SERPINI1: variants seen among roughly 807,000 people sequenced by gnomAD.
The protein encoded by SERPINI1 is serpin family I member 1, also known as neuroserpin.
Under a neutral mutation model 41.1 loss-of-function variants are expected in SERPINI1, and 19 were observed. The ratio of observed to expected loss-of-function variants is 0.46; its 90% CI spans 0.32 to 0.68. The LOEUF is 0.68. SERPINI1 is among the 30% of genes least tolerant of loss of function. SERPINI1 has a pLI of 0.03. For synonymous variants in SERPINI1, 138 were observed against 156.6 expected (o/e 0.88, Z 0.89); for missense variants, 460 against 479.2 (o/e 0.96, Z 0.37).
intron 1 of SERPINI1, among the ~76,000 whole-genome samples, chr3:167,766,589 C>G (rs1726576704): frequency 6.6e-6 from 1 of 152,198 alleles, no homozygotes. Flanking sequence ...AAAGCTCGGC[C>G]TCCTGTGCCA....
intron 1 of SERPINI1, among the ~76,000 whole-genome samples, chr3:167,786,444 G>C (rs896244323): frequency 1.4e-5 from 2 of 145,758 alleles, no homozygotes; most frequent in Admixed American, 1.4e-4. Flanking sequence ...GGAGGCGGAG[G>C]TTGCAGTGAG....
chr3:167,757,382 T>G (rs958341581), intron 1 of SERPINI1, among the ~76,000 whole-genome samples: 3 of 152,198 alleles, frequency 2.0e-5, no homozygotes, highest in African/African-American at 7.2e-5. Context: ...GTAAAGGAAT[T>G]AATATGATCT....
rs142159214 is a variant in SERPINI1, at chr3:167,783,148, G to A, written c.-18-5963G>A. Among the ~76,000 whole-genome samples, 4 of 152,266 alleles carry A rather than the reference G, an allele frequency of 2.6e-5. No individual in the cohort carries two copies. The East Asian group carries it at 5.8e-4, about 22-fold the overall frequency. On this transcript the variant is annotated intron_variant, in intron 1 of 8. Transcript: ENST00000446050. ...GCCAATAACCAGCAGTTCAGAGAGT[G>A]GCTGGAAACCAGAACCATTGGTATA...
At chr3:167,743,189 A>G (rs919889259) in intron 1 of SERPINI1, among the ~76,000 whole-genome samples, 1 of 152,130 alleles carries the variant, frequency 6.6e-6, no homozygotes, top group Non-Finnish European at 1.5e-5. Flanking sequence ...AGCTGCCTGA[A>G]AAAGCAAAAT....
intron 1 of SERPINI1, among the ~76,000 whole-genome samples, chr3:167,737,389 C>G (rs1725501282): frequency 6.6e-6 from 1 of 152,030 alleles, no homozygotes. Flanking sequence ...TAAACTTAAC[C>G]ACTATAAGGA....
intron 1 of SERPINI1, among the ~76,000 whole-genome samples, chr3:167,762,112 G>A (rs577694689): frequency 6.6e-6 from 1 of 152,100 alleles, no homozygotes; most frequent in Non-Finnish European, 1.5e-5. Context: ...GAAACCTTCA[G>A]AAAACTTCCA....
intron 1 of SERPINI1, among the ~76,000 whole-genome samples, chr3:167,741,012 A>G (rs1395407624): frequency 6.6e-6 from 1 of 152,132 alleles, no homozygotes; most frequent in African/African-American, 2.4e-5. Flanking sequence ...AGTAAAGCTT[A>G]CATTGTACCT....
intron 5 of SERPINI1, chr3:167,799,923 T>C (rs547782736): frequency 6.6e-6 from 1 of 152,206 alleles, no homozygotes; most frequent in Non-Finnish European, 1.5e-5. Context: ...TTCTTGTAGA[T>C]TATTATCAAA....
intron 1 of SERPINI1, among the ~76,000 whole-genome samples, chr3:167,761,444 G>A (rs577782506): frequency 2.6e-5 from 4 of 152,290 alleles, no homozygotes; most frequent in South Asian, 2.1e-4. Flanking sequence ...AGATTTGATT[G>A]ATGTGGTGGG....
At chr3:167,788,808 G>GTAAGTAAGTTT (rs1395846451) in intron 1 of SERPINI1, among the ~76,000 whole-genome samples, 1 of 152,206 alleles carries the variant, frequency 6.6e-6, no homozygotes, top group Non-Finnish European at 1.5e-5. Context: ...GTGAAAGCTA[G>GTAAGTAAGTTT]AGTAAGTCCA....
In SERPINI1 at chr3:167,808,438, G is replaced by A. The variant is rs572109767; in HGVS notation, c.979+1097G>A. 1.3e-4 allele frequency among the ~76,000 whole-genome samples: 20 copies of A among 151,834 alleles called. No homozygotes were observed. In the South Asian group the frequency reaches 3.9e-3, roughly 30 times the overall value. ...AGACTGAGTAAATAAGTTATATAAG[G>A]ATTATTTTTATCATTTCCTTAGAAG... On this transcript the variant is annotated intron_variant, in intron 6 of 8. Coordinates refer to ENST00000446050, the MANE Select transcript of SERPINI1 (RefSeq NM_001122752.2).
In SERPINI1 at chr3:167,735,757, C is replaced by G. The variant is rs1725374998; in HGVS notation, c.-85C>G. 1 of 152,320 alleles carries G rather than the reference C, an allele frequency of 6.6e-6. No individual in the cohort carries two copies. The highest frequency in any genetic ancestry group is 2.4e-5 in the African/African-American group (1 of 41,442). 9.4% of individuals were successfully genotyped at this position (152,320 alleles called of 1,614,324 possible). ...GGAGAGACGAAAGCAGGAACGAGAGCGGAGCGGAGCACAGTCCGCCGAGCA... is the reference window on the plus strand; with the variant it reads ...GGAGAGACGAAAGCAGGAACGAGAGGGGAGCGGAGCACAGTCCGCCGAGCA... On this transcript the variant is annotated 5_prime_UTR_variant, in exon 1 of 9. Transcript: ENST00000446050.
At chr3:167,822,941 C>G in intron 6 of SERPINI1, 45 bp from the exon 7 acceptor site, 1 of 1,067,274 alleles carries the variant, frequency 9.4e-7, no homozygotes, top group Non-Finnish European at 1.5e-6. Context: ...AAATATTTTC[C>G]TATCTCTGAA....
At chr3:167,782,352 G>C (rs1255293134) in intron 1 of SERPINI1, among the ~76,000 whole-genome samples, 1 of 152,122 alleles carries the variant, frequency 6.6e-6, no homozygotes, top group South Asian at 2.1e-4. Flanking sequence ...TTGTCAGGCT[G>C]TAAAGATGGA....
intron 7 of SERPINI1, among the ~76,000 whole-genome samples, chr3:167,824,018 A>G (rs1216300142): frequency 6.6e-6 from 1 of 152,210 alleles, no homozygotes; most frequent in African/African-American, 2.4e-5. Flanking sequence ...GTGACTTCCT[A>G]TGTAAAAATA....
chr3:167,761,815 AAC>A (rs1726390935), intron 1 of SERPINI1, among the ~76,000 whole-genome samples: 1 of 152,218 alleles, frequency 6.6e-6, no homozygotes, highest in Admixed American at 6.5e-5. Context: ...ATAAATTTGC[AAC>A]ACAAATGGGA....
intron 1 of SERPINI1, among the ~76,000 whole-genome samples, chr3:167,743,670 A>G (rs1480652050): frequency 4.6e-5 from 7 of 152,178 alleles, no homozygotes; most frequent in African/African-American, 1.7e-4. Flanking sequence ...ATAGGGGAAT[A>G]TAACAAAATA....
At chr3:167,817,533 G>T (rs1332248437) in intron 6 of SERPINI1, among the ~76,000 whole-genome samples, 1 of 151,662 alleles carries the variant, frequency 6.6e-6, no homozygotes, top group Non-Finnish European at 1.5e-5. Context: ...TACTTTAATG[G>T]TTACTGGATT....
chr3:167,789,235 G>A lies in SERPINI1; in HGVS notation c.107G>A (p.Arg36His), dbSNP rs780236670. Reference sequence around the variant, plus strand: ...GACTTGTCAGTGAATATGTATAATCGTCTTAGAGCCACTGGTGAAGATGAA... The same window carrying A: ...GACTTGTCAGTGAATATGTATAATCATCTTAGAGCCACTGGTGAAGATGAA... ...IADLSVNMYN[R>H]LRATGEDENI... Residue 36 changes from arginine (R) to histidine (H), a missense_variant, in exon 2 of 9, where the codon CGT (arginine) becomes CAT (histidine). Transcript: ENST00000446050. 36 of 1,613,948 alleles carry A rather than the reference G, an allele frequency of 2.2e-5. No homozygotes were observed. Among genetic ancestry groups the A allele is most frequent in the East Asian group, 6.7e-5 (3 of 44,882 alleles).
Sources: gnomAD v4.1 joint callset for allele counts (sites outside exome capture counted in the v4.1 genomes callset) on GRCh38, gnomAD v4.1.1 for gene constraint, MANE v1.5 for transcripts, NCBI Gene and HGNC (gene_info 2026-07-23, HGNC 2026-07-21) for gene names.